LUZP2: variants seen among roughly 807,000 people sequenced by gnomAD.
LUZP2 encodes the protein leucine zipper protein 2.
LUZP2 carries 52 observed loss-of-function variants against 51.6 expected under a neutral mutation model. The ratio of observed to expected loss-of-function variants is 1.01; its 90% CI spans 0.81 to 1.27. The LOEUF (loss-of-function observed/expected upper bound fraction) is 1.27, where lower values mean the gene tolerates loss of function less well. Ranked by LOEUF, LUZP2 falls within the 50% of genes most tolerant of loss-of-function variation. The pLI, the probability that LUZP2 is intolerant of heterozygous loss-of-function variation, is 0.00. For synonymous variants in LUZP2, 154 were observed against 137.3 expected (o/e 1.12, Z -0.85); for missense variants, 436 against 395.4 (o/e 1.10, Z -0.87).
intron 5 of LUZP2, among the ~76,000 whole-genome samples, chr11:24,784,733 A>G (rs1849191047): frequency 6.6e-6 from 1 of 152,062 alleles, no homozygotes; most frequent in Admixed American, 6.6e-5. Flanking sequence ...TTCTTGCCCT[A>G]CATGCTGTTA....
At chr11:24,511,834 G>T (rs1415427382) in intron 1 of LUZP2, among the ~76,000 whole-genome samples, 1 of 152,158 alleles carries the variant, frequency 6.6e-6, no homozygotes, top group Non-Finnish European at 1.5e-5. Flanking sequence ...ACGTGATATA[G>T]ATGATTTTTA....
chr11:25,035,463 G>A (rs1361362850), intron 9 of LUZP2, among the ~76,000 whole-genome samples: 2 of 151,762 alleles, frequency 1.3e-5, no homozygotes, highest in African/African-American at 4.8e-5. Flanking sequence ...GAAATACCAA[G>A]GAATACAGCT....
chr11:24,598,138 C>A (rs940196273), intron 1 of LUZP2, among the ~76,000 whole-genome samples: 1 of 151,288 alleles, frequency 6.6e-6, no homozygotes, highest in African/African-American at 2.4e-5. Flanking sequence ...TTATTAAGCA[C>A]CTGCTTTGTG....
chr11:24,918,263 C>T (rs567455140), intron 7 of LUZP2, among the ~76,000 whole-genome samples: 2 of 152,220 alleles, frequency 1.3e-5, no homozygotes, highest in Non-Finnish European at 2.9e-5. Context: ...TCTAGATATA[C>T]AATCATGTCA....
intron 5 of LUZP2, among the ~76,000 whole-genome samples, chr11:24,905,360 A>G (rs975034183): frequency 1.3e-5 from 2 of 152,092 alleles, no homozygotes; most frequent in African/African-American, 4.8e-5. Flanking sequence ...CCTCATCTCT[A>G]CTTAAAATAC....
Position 24,797,684 on chromosome 11 carries a change from T to A in LUZP2, c.396+34376T>A, listed in dbSNP as rs371969361. 1.3e-4 allele frequency among the ~76,000 whole-genome samples: 20 copies of A among 152,306 alleles called. No individual in the cohort carries two copies. The South Asian group carries it at 4.1e-3, about 32-fold the overall frequency. On this transcript the variant is annotated intron_variant, in intron 5 of 11. Transcript: ENST00000336930. The stretch of plus-strand genomic sequence containing the variant: ...CATACAGGATAACTTAGGGGAAACA[T>A]ATTTTGTCACTAGCATCTCAATTTC...
At chr11:24,999,212 TTA>T in intron 9 of LUZP2, among the ~76,000 whole-genome samples, 1 of 152,294 alleles carries the variant, frequency 6.6e-6, no homozygotes, top group South Asian at 2.1e-4. Flanking sequence ...CTAATTACAT[TTA>T]GTTCTTTATT....
intron 1 of LUZP2, among the ~76,000 whole-genome samples, chr11:24,645,252 T>C (rs1477760790): frequency 6.6e-6 from 1 of 152,130 alleles, no homozygotes; most frequent in Non-Finnish European, 1.5e-5. Flanking sequence ...CCCACCTCCC[T>C]TTCCATTGAA....
At chr11:24,999,569 T>C (rs1208031192) in intron 9 of LUZP2, among the ~76,000 whole-genome samples, 2 of 152,080 alleles carry the variant, frequency 1.3e-5, no homozygotes, top group African/African-American at 4.8e-5. Flanking sequence ...AGTTTTACCA[T>C]GTTGACCAGG....
At chr11:24,681,156 T>C (rs1408839576) in intron 1 of LUZP2, among the ~76,000 whole-genome samples, 1 of 152,002 alleles carries the variant, frequency 6.6e-6, no homozygotes. Flanking sequence ...TAATTTTTTG[T>C]ATTTTTAGTA....
At chr11:24,540,804 C>T (rs1157576985) in intron 1 of LUZP2, among the ~76,000 whole-genome samples, 1 of 151,968 alleles carries the variant, frequency 6.6e-6, no homozygotes, top group Admixed American at 6.6e-5. Flanking sequence ...ATGGAATAAT[C>T]GTTATGGATA....
At chr11:25,019,306 T>G (rs1857259230) in intron 9 of LUZP2, among the ~76,000 whole-genome samples, 1 of 152,198 alleles carries the variant, frequency 6.6e-6, no homozygotes. Flanking sequence ...AGATTTATCT[T>G]CATTTTACAT....
intron 5 of LUZP2, among the ~76,000 whole-genome samples, chr11:24,846,447 A>G (rs1257921203): frequency 2.0e-5 from 3 of 152,240 alleles, no homozygotes; most frequent in African/African-American, 4.8e-5. Flanking sequence ...CTCACTAAAT[A>G]AAATATTTTG....
chr11:24,531,879 C>A (rs929668375), intron 1 of LUZP2, among the ~76,000 whole-genome samples: 1 of 150,840 alleles, frequency 6.6e-6, no homozygotes, highest in Non-Finnish European at 1.5e-5. Flanking sequence ...CTCATCATCA[C>A]CCTTATATTT....
intron 7 of LUZP2, among the ~76,000 whole-genome samples, chr11:24,931,045 T>C (rs1249472587): frequency 6.6e-6 from 1 of 151,772 alleles, no homozygotes; most frequent in South Asian, 2.1e-4. Context: ...AACCTGTCTC[T>C]ACTAAAACTA....
intron 10 of LUZP2, among the ~76,000 whole-genome samples, chr11:25,062,145 A>G (rs1361795275): frequency 6.6e-6 from 1 of 151,286 alleles, no homozygotes; most frequent in Non-Finnish European, 1.5e-5. Flanking sequence ...AGGAGAAAGG[A>G]AGGGAAAAAG....
intron 7 of LUZP2, among the ~76,000 whole-genome samples, chr11:24,930,036 T>G (rs865898934): frequency 6.6e-6 from 1 of 152,234 alleles, no homozygotes; most frequent in East Asian, 1.9e-4. Context: ...TTGTCTGATA[T>G]AAGAATAGCT....
At chr11:24,623,333 A>C (rs1285126618) in intron 1 of LUZP2, among the ~76,000 whole-genome samples, 1 of 152,202 alleles carries the variant, frequency 6.6e-6, no homozygotes. Flanking sequence ...GAATTACTTG[A>C]GGAAGAATGT....
chr11:24,708,994 A>T (rs910839697), intron 1 of LUZP2, among the ~76,000 whole-genome samples: 1 of 152,176 alleles, frequency 6.6e-6, no homozygotes, highest in Non-Finnish European at 1.5e-5. Context: ...GCTATCACCT[A>T]TCTTAGGGAC....
Sources: allele counts gnomAD v4.1 joint callset (sites outside exome capture counted in the v4.1 genomes callset), GRCh38; gene constraint gnomAD v4.1.1; transcripts MANE v1.5; gene names NCBI Gene and HGNC (gene_info 2026-07-23, HGNC 2026-07-21).